Variants in CCDC77 observed in about 807,000 individuals in gnomAD.
The protein encoded by CCDC77 is coiled-coil domain-containing protein 77.
CCDC77 carries 56 observed loss-of-function variants against 66.8 expected under a neutral mutation model. The ratio of observed to expected loss-of-function variants is 0.84; its 90% confidence interval spans 0.68 to 1.05. The LOEUF is 1.05. Among genes scored for constraint, CCDC77 ranks in the 50% least tolerant of loss-of-function variants. The pLI is 0.00. For synonymous variants in CCDC77, 196 were observed against 195.2 expected, an observed-to-expected ratio of 1.00 and a Z score of -0.03; for missense variants, 570 against 576.8, an observed-to-expected ratio of 0.99 and a Z score of 0.12.
chr12:394,579 C>G (rs1177892839), intron 1 of CCDC77, among the ~76,000 whole-genome samples: 1 of 152,198 alleles, frequency 6.6e-6, no homozygotes, highest in Non-Finnish European at 1.5e-5. Flanking sequence ...TGTTTAGGCC[C>G]TTTCTCTCAT....
chr12:436,725 T>G (rs1945766332), intron 9 of CCDC77: 1 of 973,154 alleles, frequency 1.0e-6, no homozygotes, highest in Non-Finnish European at 1.2e-6. Context: ...GTAACCTTCC[T>G]TGTTTAGCGT....
rs1227022585 is a variant in CCDC77, at chr12:440,598, T to G, written c.1042-19T>G. 6 of 1,612,786 alleles carry G rather than the reference T, an allele frequency of 3.7e-6. No individual in the cohort carries two copies. The highest frequency in any genetic ancestry group is 1.3e-5 in the African/African-American group (1 of 74,882). ...TTGTAGAACTGAGTGTTAATGTTTT[T>G]TGTCCCTTTGACTTGTAGTCCCTAA... On this transcript the variant is annotated intron_variant, in intron 10 of 12. Transcript: ENST00000239830.
chr12:423,473 TTTTGTGTTTTTTTTTG>T (rs1239980985), intron 5 of CCDC77, among the ~76,000 whole-genome samples: 3 of 36,362 alleles, frequency 8.3e-5, no homozygotes, highest in Admixed American at 3.3e-4. Flanking sequence ...TTTTTGTGTT[TTTTGTGTTTTTTTTTG>T]TTTTGTTTTT....
intron 1 of CCDC77, among the ~76,000 whole-genome samples, chr12:391,828 A>G (rs1319409731): frequency 3.9e-5 from 6 of 152,228 alleles, no homozygotes; most frequent in South Asian, 2.1e-4. Flanking sequence ...GTTGCTTACA[A>G]CAGCAGGAAG....
At chr12:441,750 T>C (rs1440337323) in intron 12 of CCDC77, 24 bp from the exon 13 acceptor site, 8 of 1,530,510 alleles carry the variant, frequency 5.2e-6, no homozygotes, top group Middle Eastern at 1.7e-4. Context: ...CATTTCTTTT[T>C]TTTTTTTTTT....
intron 3 of CCDC77, among the ~76,000 whole-genome samples, chr12:411,180 GT>G (rs5795916): frequency 0.68 from 98,995 of 145,678 alleles, 33,234 homozygotes; most frequent in Middle Eastern, 0.72. Context: ...CTTTCAATTT[GT>G]TTTTTTTTTT....
At position 423,479 on chromosome 12, in the gene CCDC77, GTT is replaced by G. The variant is rs1289177296; in HGVS notation, c.413+4851_413+4852del. Among the ~76,000 whole-genome samples the G allele has an allele frequency of 7.4e-3, 157 of 21,242 alleles. 5 individuals are homozygous for G. Among genetic ancestry groups the G allele is most frequent in the Middle Eastern group, 0.031 (1 of 32 alleles). 13.9% of individuals were successfully genotyped at this position (21,242 alleles called of 152,430 possible). ...TCTGGGTGTTTTTTGTGTTTTTTGT[GTT>G]TTTTTTTGTTTTGTTTTTTTTTTTT... On this transcript the variant is annotated intron_variant, in intron 5 of 12. Transcript: ENST00000239830.
chr12:418,503 G>A lies in CCDC77; in HGVS notation c.280G>A (p.Glu94Lys), dbSNP rs1945328569. 2 of 1,613,946 alleles carry A rather than the reference G, an allele frequency of 1.2e-6. No individual in the cohort carries two copies. Among genetic ancestry groups the A allele is most frequent in the African/African-American group, 2.7e-5 (2 of 74,892 alleles). ...TGTGGTTTTTTTGCAGCATAAACTT[G>A]AATGTGATTTGCAGCAGAGGGAGGA... ...KEACEGQHKL[E>K]CDLQQREEEI... The change falls in exon 5 of 13, where the codon GAA becomes AAA. Residue 94 changes from glutamate to lysine, a missense_variant. Glu to Lys is a moderately conservative substitution (Grantham distance 56, BLOSUM62 1). Transcript: ENST00000239830.
chr12:427,343 A>ATCT (rs1218400440), intron 5 of CCDC77, among the ~76,000 whole-genome samples: 1 of 151,742 alleles, frequency 6.6e-6, no homozygotes, highest in Admixed American at 6.6e-5. Flanking sequence ...TCTTTGACTT[A>ATCT]TCTTTTATTG....
chr12:425,148 C>T (rs1482841979), intron 5 of CCDC77, among the ~76,000 whole-genome samples: 1 of 151,442 alleles, frequency 6.6e-6, no homozygotes, highest in Non-Finnish European at 1.5e-5. Context: ...CCAGGCTGAT[C>T]TCGAAGTCCT....
upstream of CCDC77, chr12:401,630 T>G (rs1315557478): frequency 6.6e-6 from 1 of 152,332 alleles, no homozygotes; most frequent in South Asian, 2.1e-4. Flanking sequence ...GCGCCGCTCC[T>G]TGGTTTGACT....
At chr12:430,080 G>A (rs576373061) in intron 6 of CCDC77, among the ~76,000 whole-genome samples, 52 of 152,082 alleles carry the variant, frequency 3.4e-4, no homozygotes, top group Non-Finnish European at 6.6e-4. Flanking sequence ...CACAACCTCC[G>A]CCTCCCAGGT....
At chr12:432,063 T>G in intron 8 of CCDC77, 109 bp downstream of exon 8, 1 of 642,984 alleles carries the variant, frequency 1.6e-6, no homozygotes, top group Admixed American at 2.7e-5. Context: ...ACAGGTTACA[T>G]CTAAGCATCA....
intron 3 of CCDC77, 93 bp downstream of exon 3, chr12:409,514 T>C: frequency 4.1e-6 from 5 of 1,216,084 alleles, no homozygotes; most frequent in Non-Finnish European, 6.0e-6. Context: ...TGGAAACATA[T>C]TTCCTAAAGT....
At chr12:428,322 C>T (rs1024408881) in intron 5 of CCDC77, among the ~76,000 whole-genome samples, 1 of 151,936 alleles carries the variant, frequency 6.6e-6, no homozygotes, top group South Asian at 2.1e-4. Context: ...ACCTTCCTGG[C>T]TAACACAGTG....
chr12:433,049 T>G, intron 8 of CCDC77, 125 bp from the exon 9 acceptor site: 4 of 1,015,690 alleles, frequency 3.9e-6, no homozygotes, highest in Non-Finnish European at 4.4e-6. Context: ...AACAAGAGGA[T>G]TAGGATTGAG....
intron 4 of CCDC77, 145 bp downstream of exon 4, chr12:412,123 G>A (rs1006050036): frequency 1.4e-5 from 9 of 661,970 alleles, no homozygotes; most frequent in Non-Finnish European, 2.1e-5. Flanking sequence ...GCCCCTTCAG[G>A]CCCTCCTTGG....
At chr12:410,267 G>GTTTTTTTTTTTGT (rs5795915) in intron 3 of CCDC77, among the ~76,000 whole-genome samples, 1 of 148,702 alleles carries the variant, frequency 6.7e-6, no homozygotes. Flanking sequence ...TACTATTTTT[G>GTTTTTTTTTTTGT]TTTTTTTTTT....
At chr12:401,982 C>G (rs773200451) in intron 1 of CCDC77, among the ~76,000 whole-genome samples, 1 of 152,100 alleles carries the variant, frequency 6.6e-6, no homozygotes, top group Non-Finnish European at 1.5e-5. Context: ...TACTCTAACC[C>G]CACGCTGGTC....
Sources: allele counts gnomAD v4.1 joint callset (sites outside exome capture counted in the v4.1 genomes callset), GRCh38; gene constraint gnomAD v4.1.1; transcripts MANE v1.5; gene names NCBI Gene and HGNC (gene_info 2026-07-23, HGNC 2026-07-21).